The following AGBL4 variants were observed in gnomAD, a reference collection of about 807,000 sequenced individuals.
AGBL4 encodes AGBL carboxypeptidase 4.
A neutral mutation model predicts 66.4 loss-of-function variants in AGBL4; 58 were observed. The observed-to-expected ratio is 0.87, with a 90% CI of 0.71 to 1.09. The LOEUF is 1.09. Ranked by LOEUF, AGBL4 falls within the 50% of genes least tolerant of loss-of-function variation. The probability of loss-of-function intolerance (pLI) is 0.00; values close to 1 mark genes in which losing one functional copy is unlikely to be tolerated. For synonymous variants in AGBL4, 234 were observed against 222.9 expected (o/e 1.05, Z -0.44); for missense variants, 579 against 631.0 (o/e 0.92, Z 0.88).
rs1376333001 is a variant in AGBL4 at position 49,386,799 on chromosome 1, G to A, written c.283-140935C>T. ...CATGCCTGACTTTAAAACTGTATAA[G>A]GAACTTCAAATTGGCTCTATATTCT... On this transcript the variant is annotated intron_variant, in intron 3 of 13. Transcript: ENST00000371839. Among the ~76,000 whole-genome samples the A allele has an allele frequency of 5.3e-5, 8 of 151,922 alleles. 1 individual carries two copies. The highest frequency in any genetic ancestry group is 1.9e-4 in the East Asian group (1 of 5,176).
chr1:48,651,068 C>A (rs1177967005), intron 8 of AGBL4, among the ~76,000 whole-genome samples: 1 of 152,076 alleles, frequency 6.6e-6, no homozygotes, highest in Non-Finnish European at 1.5e-5. Context: ...TATATATTCT[C>A]TAAAGCTTTA....
intron 3 of AGBL4, among the ~76,000 whole-genome samples, chr1:49,250,278 T>G (rs1651943882): frequency 6.6e-6 from 1 of 152,006 alleles, no homozygotes; most frequent in South Asian, 2.1e-4. Context: ...AATGGCTGAC[T>G]AGACTCAAAT....
chr1:49,836,067 C>T (rs1645840916), intron 2 of AGBL4, among the ~76,000 whole-genome samples: 1 of 152,032 alleles, frequency 6.6e-6, no homozygotes, highest in Admixed American at 6.6e-5. Context: ...TGGGGTTGCT[C>T]TTCTCGAGGG....
chr1:48,757,924 T>G (rs1054778842), intron 6 of AGBL4, among the ~76,000 whole-genome samples: 5 of 152,202 alleles, frequency 3.3e-5, no homozygotes, highest in Non-Finnish European at 7.3e-5. Context: ...TTATACCGAT[T>G]TCCTCAATAT....
chr1:48,896,786 T>TC (rs1651557265), intron 5 of AGBL4, among the ~76,000 whole-genome samples: 1 of 151,786 alleles, frequency 6.6e-6, no homozygotes, highest in South Asian at 2.1e-4. Flanking sequence ...TCTTTTTTTT[T>TC]ACTAGTACAA....
At position 49,525,923 on chromosome 1, in the gene AGBL4, TA is replaced by T. The variant is rs921052394; in HGVS notation, c.282+171389del. ...TAACACGGTGAAACCCCGTCTCTAC[TA>T]AAAAAAAAATACAAAAAATTAGCCG... On this transcript the variant is annotated intron_variant, in intron 3 of 13. Coordinates refer to ENST00000371839, the MANE Select transcript of AGBL4 (RefSeq NM_032785.4). Among the ~76,000 whole-genome samples, 1,211 of 147,300 alleles carry T rather than the reference TA, an allele frequency of 8.2e-3. 12 individuals are homozygous for T. Among genetic ancestry groups the T allele is most frequent in the Middle Eastern group, 0.032 (9 of 282 alleles).
rs1289597442 is a variant in AGBL4, at chr1:48,534,070, T to A, written c.*103A>T. 3.3e-6 allele frequency: 5 copies of A among 1,515,448 alleles called. No homozygotes were observed. In the South Asian group the frequency reaches 6.0e-5, roughly 18 times the overall value. 93.9% of individuals were successfully genotyped at this position (1,515,448 alleles called of 1,614,324 possible). Reference sequence around the variant, plus strand: ...CCCTTCCCTTTCACTAGCCTATGCATTAATCCACAAATCCTTGGAAGCTAG... The same window carrying A: ...CCCTTCCCTTTCACTAGCCTATGCAATAATCCACAAATCCTTGGAAGCTAG... On this transcript the variant is annotated 3_prime_UTR_variant, in exon 14 of 14. Coordinates refer to ENST00000371839, the MANE Select transcript of AGBL4 (RefSeq NM_032785.4).
intron 3 of AGBL4, among the ~76,000 whole-genome samples, chr1:49,530,891 C>G (rs933559259): frequency 6.6e-6 from 1 of 152,008 alleles, no homozygotes. Flanking sequence ...AGACAAATTA[C>G]TCAACTTTTC....
At chr1:49,371,594 A>T (rs1292510545) in intron 3 of AGBL4, among the ~76,000 whole-genome samples, 2 of 152,088 alleles carry the variant, frequency 1.3e-5, no homozygotes, top group Non-Finnish European at 2.9e-5. Context: ...CTAAGAAAAC[A>T]CTTCTAGGTT....
chr1:49,660,093 A>C (rs1002423004), intron 3 of AGBL4, among the ~76,000 whole-genome samples: 2 of 152,092 alleles, frequency 1.3e-5, no homozygotes, highest in African/African-American at 4.8e-5. Flanking sequence ...AAGCAAAAAA[A>C]TGATGAATAG....
intron 1 of AGBL4, among the ~76,000 whole-genome samples, chr1:49,936,185 A>T (rs1653990145): frequency 6.6e-6 from 1 of 152,242 alleles, no homozygotes; most frequent in African/African-American, 2.4e-5. Flanking sequence ...AACTACGTGA[A>T]GAATGCAGAA....
intron 3 of AGBL4, among the ~76,000 whole-genome samples, chr1:49,271,516 GCACACACACACACACA>G (rs57311875): frequency 9.7e-5 from 14 of 144,200 alleles, no homozygotes; most frequent in Non-Finnish European, 1.4e-4. Flanking sequence ...TTAAAAGATA[GCACACACACACACACA>G]CACACACACA....
At chr1:49,802,181 T>C (rs1644876260) in intron 2 of AGBL4, among the ~76,000 whole-genome samples, 1 of 152,074 alleles carries the variant, frequency 6.6e-6, no homozygotes, top group Non-Finnish European at 1.5e-5. Flanking sequence ...ATCACCAAGA[T>C]TCCTATCCCA....
chr1:49,643,206 C>T (rs137939710), intron 3 of AGBL4, among the ~76,000 whole-genome samples: 8 of 151,716 alleles, frequency 5.3e-5, no homozygotes, highest in Non-Finnish European at 8.9e-5. Flanking sequence ...GCAGATTATA[C>T]GCTGCATGGG....
At chr1:48,665,567 G>A (rs1438035187) in intron 6 of AGBL4, among the ~76,000 whole-genome samples, 2 of 152,150 alleles carry the variant, frequency 1.3e-5, no homozygotes, top group African/African-American at 4.8e-5. Flanking sequence ...CATGCCCAAG[G>A]TCATTCAGCT....
intron 1 of AGBL4, among the ~76,000 whole-genome samples, chr1:49,901,350 A>G (rs1015024007): frequency 2.0e-5 from 3 of 152,192 alleles, no homozygotes; most frequent in African/African-American, 7.2e-5. Context: ...AAAGTTTGAG[A>G]ATGCAAAAAC....
At chr1:49,241,745 A>G (rs1375176374) in intron 4 of AGBL4, among the ~76,000 whole-genome samples, 2 of 151,996 alleles carry the variant, frequency 1.3e-5, no homozygotes, top group African/African-American at 4.8e-5. Flanking sequence ...ATAATACTCA[A>G]TCAGTCTTGG....
chr1:48,732,776 C>T (rs1180218524), intron 6 of AGBL4, among the ~76,000 whole-genome samples: 2 of 152,140 alleles, frequency 1.3e-5, no homozygotes, highest in African/African-American at 4.8e-5. Context: ...CAAGGGCACA[C>T]TGAAGGCAAT....
At chr1:49,845,481 T>C in intron 2 of AGBL4, 2 of 1,573,778 alleles carry the variant, frequency 1.3e-6, no homozygotes, top group Non-Finnish European at 1.7e-6. Flanking sequence ...GAATCCACAC[T>C]GGGGAGAAAC....
Sources: gnomAD v4.1 joint callset for allele counts (sites outside exome capture counted in the v4.1 genomes callset) on GRCh38, gnomAD v4.1.1 for gene constraint, MANE v1.5 for transcripts, NCBI Gene and HGNC (gene_info 2026-07-23, HGNC 2026-07-21) for gene names.